NDUFA8: variants seen among roughly 807,000 people sequenced by gnomAD.
NDUFA8 encodes NADH:ubiquinone oxidoreductase subunit A8, also known as NADH dehydrogenase [ubiquinone] 1 alpha subcomplex subunit 8.
Under a neutral mutation model 20.9 loss-of-function variants are expected in NDUFA8, and 16 were observed. That is an observed-to-expected ratio of 0.77 (90% CI 0.52 to 1.16). The LOEUF (loss-of-function observed/expected upper bound fraction) is 1.16, where lower values mean the gene tolerates loss of function less well. Ranked by LOEUF, NDUFA8 falls within the 50% of genes most tolerant of loss-of-function variation. The pLI, the probability that NDUFA8 is intolerant of heterozygous loss-of-function variation, is 0.00. For missense variants in NDUFA8, 202 were observed against 216.4 expected (o/e 0.93, Z 0.42); for synonymous variants, 70 against 76.1 (o/e 0.92, Z 0.41).
intron 1 of NDUFA8, among the ~76,000 whole-genome samples, chr9:122,155,598 T>A (rs971311977): frequency 6.6e-6 from 1 of 152,250 alleles, no homozygotes; most frequent in African/African-American, 2.4e-5. Context: ...TGTAAAGTTT[T>A]CATATTAAAG....
Position 122,148,166 on chromosome 9 carries a change from C to G in NDUFA8, c.327G>C (p.Glu109Asp), listed in dbSNP as rs776887444. Reference protein sequence around the residue: ...HCRKQQAKFDECVLDKLGWVR... With the variant: ...HCRKQQAKFDDCVLDKLGWVR... ...CCCAGCCCAGTTTGTCCAGCACACA[C>G]TCGTCAAACTTTGCCTGCTGTTTGC... The change falls in exon 3 of 4, where the codon GAG becomes GAC. Residue 109 changes from glutamate to aspartate, a missense_variant. Physicochemically the swap from Glu to Asp is conservative, Grantham distance 45 (BLOSUM62 2). Coordinates refer to ENST00000373768, the MANE Select transcript of NDUFA8 (RefSeq NM_014222.3). 3.7e-6 allele frequency: 6 copies of G among 1,614,088 alleles called. No homozygotes were observed. In the African/African-American group the frequency reaches 6.7e-5, roughly 18 times the overall value.
chr9:122,144,090 G>T lies in NDUFA8; in HGVS notation c.*151C>A. Reference sequence around the variant, plus strand: ...TAAAAATTTTAATGGACAGGAAATGGTATAGAATAACTGCCAAGTCACATA... The same window carrying T: ...TAAAAATTTTAATGGACAGGAAATGTTATAGAATAACTGCCAAGTCACATA... On this transcript the variant is annotated 3_prime_UTR_variant, in exon 4 of 4. Transcript: ENST00000373768. The T allele has an allele frequency of 6.6e-7, 1 of 1,518,506 alleles. No individual in the cohort carries two copies. Among genetic ancestry groups the T allele is most frequent in the Non-Finnish European group, 8.8e-7 (1 of 1,134,148 alleles). The allele number at this position is 1,518,506 out of a possible 1,614,324, so 94.1% of individuals were successfully genotyped here.
In NDUFA8 at chr9:122,159,563, CT is replaced by C. The variant is rs1258030826; in HGVS notation, c.51+63del. The C allele has an allele frequency of 1.9e-6, 3 of 1,601,896 alleles. No individual in the cohort carries two copies. The African/African-American group carries it at 4.0e-5, about 21-fold the overall frequency. On this transcript the variant is annotated intron_variant, in intron 1 of 3. Transcript: ENST00000373768. The stretch of plus-strand genomic sequence containing the variant: ...CAGGATCCGCGGAGCCCAAGGGGGG[CT>C]AGGCCCAGGCCCGAGAAGCCGCAGC...
rs1380821050 is a variant in NDUFA8 at position 122,154,351 on chromosome 9, T to G, written c.52-1943A>C. On this transcript the variant is annotated intron_variant, in intron 1 of 3. Coordinates refer to ENST00000373768, the MANE Select transcript of NDUFA8 (RefSeq NM_014222.3). ...ACCTTCTCATCCACAACACAGTATT[T>G]CTCTCCATTTATTCATATTCAAGTC... is the stretch of plus-strand genomic sequence containing the variant. Among the ~76,000 whole-genome samples the G allele has an allele frequency of 2.0e-5, 3 of 152,234 alleles. No individual in the cohort carries two copies. In the East Asian group the frequency reaches 5.8e-4, roughly 29 times the overall value.
intron 2 of NDUFA8, among the ~76,000 whole-genome samples, chr9:122,150,309 G>A (rs1009230691): frequency 2.0e-5 from 3 of 151,268 alleles, no homozygotes; most frequent in Non-Finnish European, 4.4e-5. Flanking sequence ...TACTCGGGAG[G>A]CTGAGGCAGG....
intron 1 of NDUFA8, among the ~76,000 whole-genome samples, chr9:122,155,139 C>T (rs757246490): frequency 3.3e-5 from 5 of 152,140 alleles, no homozygotes; most frequent in Non-Finnish European, 5.9e-5. Flanking sequence ...AGGGCAGTGG[C>T]GCAATCTCGG....
Position 122,152,377 on chromosome 9 carries a change from G to T in NDUFA8, c.83C>A (p.Ala28Glu). 1 of 1,613,998 alleles carries T rather than the reference G, an allele frequency of 6.2e-7. No individual in the cohort carries two copies. Among genetic ancestry groups the T allele is most frequent in the Non-Finnish European group, 8.5e-7 (1 of 1,179,986 alleles). ...VKISSAVLKA[A>E]AHHYGAQCDK... ...ACATTGAGCTCCATAGTGATGGGCC[G>T]CAGCTTTAAGCACAGCAGAACTAAT... Residue 28 changes from alanine (A) to glutamate (E), a missense_variant, in exon 2 of 4, where the codon GCG (alanine) becomes GAG (glutamate). By Grantham distance (107) the Ala-to-Glu change is moderately radical. Transcript: ENST00000373768.
intron 3 of NDUFA8, among the ~76,000 whole-genome samples, chr9:122,144,991 C>T (rs1431623886): frequency 6.6e-6 from 1 of 152,126 alleles, no homozygotes; most frequent in African/African-American, 2.4e-5. Flanking sequence ...GATTCCATTC[C>T]ATTTTCACTC....
At chr9:122,150,343 G>A (rs1004995796) in intron 2 of NDUFA8, among the ~76,000 whole-genome samples, 4 of 149,316 alleles carry the variant, frequency 2.7e-5, no homozygotes, top group Non-Finnish European at 4.4e-5. Context: ...CCCGGGAGGC[G>A]GAGCTTGCAG....
chr9:122,132,862 A>C, the NDUFA8 span: 1,716 of 453,928 alleles, frequency 3.8e-3, 25 homozygotes, highest in African/African-American at 0.031. Flanking sequence ...TCTTGGAGAG[A>C]CTGGAAATAG....
At chr9:122,156,364 C>G (rs566802210) in intron 1 of NDUFA8, among the ~76,000 whole-genome samples, 7 of 152,208 alleles carry the variant, frequency 4.6e-5, no homozygotes, top group Admixed American at 1.3e-4. Flanking sequence ...TCTCCTTAAA[C>G]TACGTCTGTA....
rs199504723 is a variant in NDUFA8, at chr9:122,144,356, C to T, written c.404G>A (p.Arg135Gln). The part of the protein sequence containing the change: ...LSKVTKVKTD[R>Q]PLPENPYHSR... ...GTGATAGGGATTCTCCGGTAAAGGT[C>T]GATCTGTTTTCACTTTGGTGACCTG... is the stretch of plus-strand genomic sequence containing the variant. Residue 135 changes from arginine to glutamine, a missense_variant, in exon 4 of 4, where the codon CGA becomes CAA. By Grantham distance (43) the Arg-to-Gln change is conservative. Coordinates refer to ENST00000373768, the MANE Select transcript of NDUFA8 (RefSeq NM_014222.3). 685 of 1,614,068 alleles carry T rather than the reference C, an allele frequency of 4.2e-4. 12 individuals carry two copies. The South Asian group carries it at 6.8e-3, about 16-fold the overall frequency.
In NDUFA8 at chr9:122,152,617, G is replaced by A. The variant is rs189090657; in HGVS notation, c.52-209C>T. ...ATTCCCCAGGCTGGAGTGCAGTGGC[G>A]CGATCTCGGCTTACTGCAACTTCGG... On this transcript the variant is annotated intron_variant, in intron 1 of 3. Coordinates refer to ENST00000373768, the MANE Select transcript of NDUFA8 (RefSeq NM_014222.3). 2.1e-3 allele frequency among the ~76,000 whole-genome samples: 319 copies of A among 150,250 alleles called. 1 individual carries two copies. The highest frequency in any genetic ancestry group is 0.021 in the Middle Eastern group (6 of 292).
rs370504057 is a variant in NDUFA8 at position 122,152,219 on chromosome 9, T to C, written c.215+26A>G. On this transcript the variant is annotated intron_variant, in intron 2 of 3. Transcript: ENST00000373768. Reference sequence around the variant, plus strand: ...TTTAAACCTTTATGCTTCAACCAAGTAGGCACTGATACCAAAGATTTTTAC... The same window carrying C: ...TTTAAACCTTTATGCTTCAACCAAGCAGGCACTGATACCAAAGATTTTTAC... 89 of 1,613,886 alleles carry C rather than the reference T, an allele frequency of 5.5e-5. No individual in the cohort carries two copies. The African/African-American group carries it at 6.0e-4, about 11-fold the overall frequency.
chr9:122,133,129 C>A, the NDUFA8 span, among the ~76,000 whole-genome samples: 1 of 152,162 alleles, frequency 6.6e-6, no homozygotes, highest in Non-Finnish European at 1.5e-5. Context: ...GAGTGACTTG[C>A]TCAAGGTCAC....
rs761022329 is a variant in NDUFA8 at position 122,144,271 on chromosome 9, A to G, written c.489T>C (p.His163=). 1.2e-6 allele frequency: 2 copies of G among 1,613,988 alleles called. No individual in the cohort carries two copies. Among genetic ancestry groups the G allele is most frequent in the African/African-American group, 2.7e-5 (2 of 74,934 alleles). ...TGGTCCAGAAATAAAAGCGGCTGCCATGTGTGGCAGGCTGCAGATCTCCCT... is the reference window on the plus strand; with the variant it reads ...TGGTCCAGAAATAAAAGCGGCTGCCGTGTGTGGCAGGCTGCAGATCTCCCT... ...EIEGDLQPAT[H]GSRFYFWTK Residue 163 remains histidine (H), a synonymous_variant, in exon 4 of 4, where the codon CAT becomes CAC. Transcript: ENST00000373768.
At chr9:122,157,083 T>G (rs1470110696) in intron 1 of NDUFA8, among the ~76,000 whole-genome samples, 2 of 152,192 alleles carry the variant, frequency 1.3e-5, no homozygotes, top group African/African-American at 4.8e-5. Flanking sequence ...CAAACTATCT[T>G]TCCACCCTTC....
intron 1 of NDUFA8, among the ~76,000 whole-genome samples, chr9:122,158,960 G>A (rs1829128615): frequency 6.6e-6 from 1 of 152,028 alleles, no homozygotes. Flanking sequence ...ACTCCTCACA[G>A]CACTAACTAC....
chr9:122,135,834 C>T, the NDUFA8 span, among the ~76,000 whole-genome samples: 4 of 152,174 alleles, frequency 2.6e-5, no homozygotes, highest in African/African-American at 9.6e-5. Context: ...AGTGACCCTC[C>T]CACCTTGGCC....
Sources: allele counts gnomAD v4.1 joint callset (sites outside exome capture counted in the v4.1 genomes callset), GRCh38; gene constraint gnomAD v4.1.1; transcripts MANE v1.5; gene names NCBI Gene and HGNC (gene_info 2026-07-23, HGNC 2026-07-21).